Variants in ARSG observed in about 807,000 individuals in gnomAD.
ARSG encodes the protein ASG.
In ARSG, 37 loss-of-function variants were observed where a neutral mutation model predicts 50.5. The observed-to-expected ratio is 0.73, with a 90% confidence interval of 0.56 to 0.96. The LOEUF is 0.96. Ranked by LOEUF, ARSG falls within the 50% of genes least tolerant of loss-of-function variation. The pLI, the probability that ARSG is intolerant of heterozygous loss-of-function variation, is 0.00. For synonymous variants in ARSG, 225 were observed against 254.6 expected (o/e 0.88, Z 1.11); for missense variants, 629 against 675.3 (o/e 0.93, Z 0.76).
intron 2 of ARSG, among the ~76,000 whole-genome samples, chr17:68,338,263 G>C (rs139514475): frequency 1.0e-3 from 155 of 152,216 alleles, no homozygotes; most frequent in African/African-American, 3.6e-3. Flanking sequence ...TCTTTGGATG[G>C]TTAAGCCTCA....
chr17:68,434,533 T>C, the ARSG span: 56 of 1,612,954 alleles, frequency 3.5e-5, no homozygotes, highest in African/African-American at 5.6e-4. Flanking sequence ...GACTTTAAAA[T>C]GGGTTTGACA....
intron 9 of ARSG, among the ~76,000 whole-genome samples, chr17:68,390,137 G>A (rs1479917598): frequency 2.0e-5 from 3 of 151,960 alleles, no homozygotes; most frequent in East Asian, 1.9e-4. Context: ...ACAGGCATGC[G>A]CCACCATGCC....
intron 2 of ARSG, among the ~76,000 whole-genome samples, chr17:68,331,344 A>G (rs893539633): frequency 6.6e-6 from 1 of 151,736 alleles, no homozygotes; most frequent in African/African-American, 2.4e-5. Context: ...TCCTGGGTTC[A>G]TGCCATTCTC....
chr17:68,393,231 T>G (rs2081079387), intron 9 of ARSG, among the ~76,000 whole-genome samples: 2 of 152,220 alleles, frequency 1.3e-5, no homozygotes, highest in Admixed American at 6.5e-5. Flanking sequence ...TCTATAAATA[T>G]TAAATGAAAA....
At chr17:68,280,386 A>G (rs986789093) in intron 1 of ARSG, among the ~76,000 whole-genome samples, 1 of 152,164 alleles carries the variant, frequency 6.6e-6, no homozygotes, top group East Asian at 1.9e-4. Context: ...CAGACCTCAA[A>G]ATATATGACA....
At chr17:68,366,677 A>ATG (rs3072873) in intron 6 of ARSG, among the ~76,000 whole-genome samples, 14,579 of 148,028 alleles carry the variant, frequency 0.098, 898 homozygotes, top group African/African-American at 0.17. Flanking sequence ...GAATTTATGT[A>ATG]TGTGTGTGTG....
At chr17:68,443,924 T>G in the ARSG span, among the ~76,000 whole-genome samples, 1 of 152,260 alleles carries the variant, frequency 6.6e-6, no homozygotes, top group Non-Finnish European at 1.5e-5. Flanking sequence ...TATTTCAATA[T>G]AACAAATCCA....
the ARSG span, among the ~76,000 whole-genome samples, chr17:68,448,757 T>C: frequency 6.6e-6 from 1 of 152,224 alleles, no homozygotes; most frequent in East Asian, 1.9e-4. Context: ...ATTACTACTA[T>C]ATGCAAGGAT....
At chr17:68,274,595 T>A (rs1390158026) in intron 1 of ARSG, 1 of 152,306 alleles carries the variant, frequency 6.6e-6, no homozygotes, top group African/African-American at 2.4e-5. Context: ...AGTATAAAAC[T>A]TTTATCTATA....
intron 1 of ARSG, among the ~76,000 whole-genome samples, chr17:68,266,799 G>A (rs1365090564): frequency 2.0e-5 from 3 of 151,872 alleles, no homozygotes; most frequent in Non-Finnish European, 4.4e-5. Flanking sequence ...CAACAAGAGC[G>A]AAACTCCATC....
chr17:68,260,235 T>C (rs1324012280), intron 1 of ARSG, among the ~76,000 whole-genome samples: 1 of 152,194 alleles, frequency 6.6e-6, no homozygotes, highest in Non-Finnish European at 1.5e-5. Flanking sequence ...GTTTAACCAA[T>C]GGCAAAAATG....
chr17:68,315,672 G>A (rs1041738234), intron 2 of ARSG, among the ~76,000 whole-genome samples: 6 of 151,942 alleles, frequency 3.9e-5, no homozygotes, highest in Non-Finnish European at 7.4e-5. Context: ...TTGCTCTATC[G>A]CCTAGGCTGG....
At chr17:68,322,857 C>T (rs1469919203) in intron 2 of ARSG, among the ~76,000 whole-genome samples, 1 of 152,146 alleles carries the variant, frequency 6.6e-6, no homozygotes, top group Non-Finnish European at 1.5e-5. Flanking sequence ...TCTCACAGTT[C>T]TGGAGGCTAA....
intron 2 of ARSG, among the ~76,000 whole-genome samples, chr17:68,324,980 C>T (rs2077444827): frequency 6.6e-6 from 1 of 152,136 alleles, no homozygotes; most frequent in Non-Finnish European, 1.5e-5. Context: ...CCCTCACTGA[C>T]CAGTGAGCAG....
intron 1 of ARSG, among the ~76,000 whole-genome samples, chr17:68,265,015 G>A (rs782126646): frequency 6.6e-6 from 1 of 151,538 alleles, no homozygotes; most frequent in Non-Finnish European, 1.5e-5. Context: ...TTAGCTGGGC[G>A]TGGTGGCACA....
rs2081463788 is a variant in ARSG at position 68,401,397 on chromosome 17, T to C, written c.1250T>C (p.Phe417Ser). The change falls in exon 11 of 12, where the codon TTT becomes TCT. Residue 417 changes from phenylalanine to serine, a missense_variant. Coordinates refer to ENST00000621439, the MANE Select transcript of ARSG (RefSeq NM_001267727.2). ...FHPNSGAAGEFGALQTVRLER... is the reference protein window; with the variant it reads ...FHPNSGAAGESGALQTVRLER... ...CCCAACAGCGGGGCAGCTGGAGAGT[T>C]TGGAGCCCTGCAGACTGTCCGCCTG... 3 of 1,614,030 alleles carry C rather than the reference T, an allele frequency of 1.9e-6. No individual in the cohort carries two copies. The African/African-American group carries it at 4.0e-5, about 22-fold the overall frequency.
chr17:68,380,231 CTCTT>C (rs955774461), intron 8 of ARSG, among the ~76,000 whole-genome samples: 11 of 150,588 alleles, frequency 7.3e-5, no homozygotes, highest in Middle Eastern at 3.2e-3. Context: ...CTTCCTTTCT[CTCTT>C]TCTTTCTTTC....
upstream of ARSG, among the ~76,000 whole-genome samples, chr17:68,287,535 C>T (rs1404652187): frequency 6.6e-6 from 1 of 152,052 alleles, no homozygotes; most frequent in Non-Finnish European, 1.5e-5. Flanking sequence ...TTTTAAAAAA[C>T]TCTGCTTTAT....
At chr17:68,445,167 G>C in the ARSG span, among the ~76,000 whole-genome samples, 1 of 151,996 alleles carries the variant, frequency 6.6e-6, no homozygotes, top group Non-Finnish European at 1.5e-5. Context: ...TGATCTGCCC[G>C]CCTCGGCCTC....
Sources: allele counts gnomAD v4.1 joint callset (sites outside exome capture counted in the v4.1 genomes callset), GRCh38; gene constraint gnomAD v4.1.1; transcripts MANE v1.5; gene names NCBI Gene and HGNC (gene_info 2026-07-23, HGNC 2026-07-21).